The following ENPP1 variants were observed in gnomAD, a reference collection of about 807,000 sequenced individuals.
ENPP1 encodes the protein ectonucleotide pyrophosphatase/phosphodiesterase family member 1.
Under a neutral mutation model 122.8 loss-of-function variants are expected in ENPP1, and 73 were observed. That is an observed-to-expected ratio of 0.59 (90% confidence interval 0.49 to 0.72). The LOEUF is 0.72. Among genes scored for constraint, ENPP1 ranks in the 30% least tolerant of loss-of-function variants. The pLI, the probability that ENPP1 is intolerant of heterozygous loss-of-function variation, is 0.00. For synonymous variants in ENPP1, 367 were observed against 391.6 expected, an observed-to-expected ratio of 0.94 and a Z score of 0.74; for missense variants, 978 against 1,128.1, an observed-to-expected ratio of 0.87 and a Z score of 1.91.
At position 131,826,250 on chromosome 6, in the gene ENPP1, C is replaced by T. The variant is rs576016034; in HGVS notation, c.240+17975C>T. The T allele has an allele frequency of 2.3e-4, 232 of 1,010,308 alleles. No homozygotes were observed. The African/African-American group carries it at 3.0e-3, about 13-fold the overall frequency. 62.6% of individuals were successfully genotyped at this position (1,010,308 alleles called of 1,614,324 possible). ...TGAAACAGCCCATCTGGTAGCATCT[C>T]ACTGTTGTTGTTGGTTACAGCACAG... is the stretch of plus-strand genomic sequence containing the variant. On this transcript the variant is annotated intron_variant, in intron 1 of 24. Transcript: ENST00000647893.
chr6:131,862,314 C>T (rs1465190395), intron 9 of ENPP1, among the ~76,000 whole-genome samples: 1 of 152,062 alleles, frequency 6.6e-6, no homozygotes, highest in Non-Finnish European at 1.5e-5. Flanking sequence ...AGGTAGAGAT[C>T]TGGGAGTGGG....
At chr6:131,859,389 T>G (rs963177440) in intron 7 of ENPP1, among the ~76,000 whole-genome samples, 6 of 151,992 alleles carry the variant, frequency 3.9e-5, no homozygotes, top group Non-Finnish European at 8.8e-5. Flanking sequence ...GCTACCTTTT[T>G]TTTTTTTGTT....
rs1474708212 is a variant in ENPP1 at position 131,872,100 on chromosome 6, C to T, written c.1436C>T (p.Ser479Phe). ...TATGAAGGCATTGCCCGAAATCTTT[C>T]TGTGAGTATCTTTATTTTCCATTAT... ...FNYEGIARNL[S>F]CREPNQHFKP... The change falls in exon 14 of 25, where the codon TCT becomes TTT. Residue 479 changes from serine to phenylalanine, a missense_variant and splice_region_variant. Physicochemically the swap from Ser to Phe is radical, Grantham distance 155 (BLOSUM62 -2). Transcript: ENST00000647893. 6.3e-7 allele frequency: 1 copy of T among 1,581,080 alleles called. No individual in the cohort carries two copies. The highest frequency in any genetic ancestry group is 2.2e-5 in the East Asian group (1 of 44,600).
chr6:131,835,574 T>A (rs1387259449), intron 1 of ENPP1, among the ~76,000 whole-genome samples: 1 of 152,214 alleles, frequency 6.6e-6, no homozygotes. Flanking sequence ...TTCTTCAACT[T>A]CTATTTTAAA....
At chr6:131,837,520 CA>C (rs34431136) in intron 1 of ENPP1, among the ~76,000 whole-genome samples, 8,327 of 81,954 alleles carry the variant, frequency 0.1, 144 homozygotes, top group Middle Eastern at 0.19. Flanking sequence ...GACTCTGTCT[CA>C]AAAAAAAAAA....
rs761262580 is a variant in ENPP1 at position 131,819,938 on chromosome 6, T to G, written c.240+11663T>G. ...TGGAATCAGATGAGTTTCCATAGCT[T>G]CTTTTTTTTTTTTTTCGCATCTTGC... On this transcript the variant is annotated intron_variant, in intron 1 of 24. Transcript: ENST00000647893. 2.4e-4 allele frequency: 119 copies of G among 497,282 alleles called. 1 individual carries two copies. The highest frequency in any genetic ancestry group is 3.5e-4 in the South Asian group (21 of 60,664). 30.8% of individuals were successfully genotyped at this position (497,282 alleles called of 1,614,324 possible). A position where few individuals can be genotyped will look rare whatever the true frequency, so the allele number is the denominator to read the frequency against.
At chr6:131,887,518 G>T (rs1445500699) in intron 24 of ENPP1, among the ~76,000 whole-genome samples, 2 of 144,152 alleles carry the variant, frequency 1.4e-5, no homozygotes, top group African/African-American at 5.2e-5. Flanking sequence ...TCAGCCTCCC[G>T]AGTAGCTGGG....
intron 5 of ENPP1, 76 bp downstream of exon 5, chr6:131,852,311 T>A: frequency 1.1e-6 from 1 of 885,988 alleles, no homozygotes. Context: ...CAAATTAAGA[T>A]GATAAAAATA....
chr6:131,831,213 TTC>T, intron 1 of ENPP1, among the ~76,000 whole-genome samples: 1 of 152,202 alleles, frequency 6.6e-6, no homozygotes, highest in South Asian at 2.1e-4. Flanking sequence ...TCATGCCTGT[TTC>T]TGTTTTCTCT....
chr6:131,889,250 G>T (rs1437176505), intron 24 of ENPP1, among the ~76,000 whole-genome samples: 10 of 152,128 alleles, frequency 6.6e-5, no homozygotes, highest in South Asian at 4.1e-4. Context: ...AAGTTCAGGG[G>T]TACATGTGCA....
chr6:131,875,946 CTT>C, intron 17 of ENPP1, 83 bp downstream of exon 17: 2 of 1,103,026 alleles, frequency 1.8e-6, no homozygotes, highest in Admixed American at 3.5e-5. Flanking sequence ...TTGTAGGCAA[CTT>C]TGTGGAGATG....
At chr6:131,858,851 C>A in intron 7 of ENPP1, 104 bp downstream of exon 7, 1 of 871,756 alleles carries the variant, frequency 1.1e-6, no homozygotes. Flanking sequence ...ACTTATTTTC[C>A]AATAGGTAGT....
At position 131,877,044 on chromosome 6, in the gene ENPP1, C is replaced by T. The variant is rs41286148; in HGVS notation, c.1776C>T (p.Asn592=). 385 of 1,614,070 alleles carry T rather than the reference C, an allele frequency of 2.4e-4. No homozygotes were observed. Among genetic ancestry groups the T allele is most frequent in the Non-Finnish European group, 3.2e-4 (379 of 1,179,970 alleles). ...APNNGTHGSL[N]HLLKNPVYTP... ...ATAACGGAACTCATGGAAGTCTTAA[C>T]CACCTTCTAAAGAATCCTGTTTATA... is the stretch of plus-strand genomic sequence containing the variant. The change falls in exon 18 of 25, where the codon AAC becomes AAT. Residue 592 remains asparagine, a synonymous_variant. Coordinates refer to ENST00000647893, the MANE Select transcript of ENPP1 (RefSeq NM_006208.3).
chr6:131,821,530 C>T (rs1360296237), intron 1 of ENPP1, among the ~76,000 whole-genome samples: 2 of 152,166 alleles, frequency 1.3e-5, no homozygotes, highest in African/African-American at 4.8e-5. Flanking sequence ...GCACAGTCTC[C>T]TCCCTTTGCA....
intron 1 of ENPP1, among the ~76,000 whole-genome samples, chr6:131,831,684 CAG>C (rs1781616445): frequency 6.6e-6 from 1 of 152,178 alleles, no homozygotes; most frequent in African/African-American, 2.4e-5. Context: ...AAGCACATGA[CAG>C]ATGGTAAAGT....
rs1321992316 is a variant in ENPP1 at position 131,882,582 on chromosome 6, T to C, written c.2230+108T>C. The C allele has an allele frequency of 2.1e-5, 5 of 242,426 alleles. No individual in the cohort carries two copies. The South Asian group carries it at 2.2e-4, about 11-fold the overall frequency. 15.0% of individuals were successfully genotyped at this position (242,426 alleles called of 1,614,324 possible). ...TAATATATATATTACCTATTATATA[T>C]ATATAAATATTACCTATTTTATATA... is the stretch of plus-strand genomic sequence containing the variant. On this transcript the variant is annotated intron_variant, in intron 21 of 24. Coordinates refer to ENST00000647893, the MANE Select transcript of ENPP1 (RefSeq NM_006208.3).
chr6:131,816,529 G>T (rs1198181949), intron 1 of ENPP1, among the ~76,000 whole-genome samples: 2 of 152,138 alleles, frequency 1.3e-5, no homozygotes, highest in African/African-American at 2.4e-5. Flanking sequence ...ACTAAGTTAT[G>T]CATTTACCAA....
chr6:131,858,834 A>G (rs1585821629), intron 7 of ENPP1, 87 bp downstream of exon 7: 2 of 1,008,450 alleles, frequency 2.0e-6, no homozygotes, highest in Non-Finnish European at 3.1e-6. Context: ...AAGATAAAAG[A>G]AAAACAACTT....
intron 8 of ENPP1, among the ~76,000 whole-genome samples, chr6:131,861,337 A>T (rs2114703007): frequency 6.6e-6 from 1 of 152,168 alleles, no homozygotes; most frequent in East Asian, 1.9e-4. Context: ...ATATTCGTGA[A>T]TTTTTTTTCT....
Sources: allele counts gnomAD v4.1 joint callset (sites outside exome capture counted in the v4.1 genomes callset), GRCh38; gene constraint gnomAD v4.1.1; transcripts MANE v1.5; gene names NCBI Gene and HGNC (gene_info 2026-07-23, HGNC 2026-07-21).